HABP4: variants seen among roughly 807,000 people sequenced by gnomAD.
HABP4 encodes hyaluronan binding protein 4, also known as intracellular hyaluronan-binding protein 4.
HABP4 carries 32 observed loss-of-function variants against 44.1 expected under a neutral mutation model. The ratio of observed to expected loss-of-function variants is 0.73; its 90% CI spans 0.55 to 0.97. HABP4 has a LOEUF of 0.97. Among genes scored for constraint, HABP4 ranks in the 50% least tolerant of loss-of-function variants. HABP4 has a pLI of 0.00. For missense variants in HABP4, 503 were observed against 561.9 expected (o/e 0.90, Z 1.06); for synonymous variants, 216 against 218.0 (o/e 0.99, Z 0.08).
chr9:96,465,801 C>G (rs777517351), intron 4 of HABP4, 23 bp downstream of exon 4: 1 of 1,263,562 alleles, frequency 7.9e-7, no homozygotes, highest in South Asian at 1.2e-5. Context: ...TGTGTGCCCT[C>G]TGAGAACCTG....
At chr9:96,475,962 C>G (rs1018628210) in intron 5 of HABP4, among the ~76,000 whole-genome samples, 26 of 152,040 alleles carry the variant, frequency 1.7e-4, no homozygotes, top group African/African-American at 6.0e-4. Flanking sequence ...TTTCTGGAAC[C>G]TACTTTCTTT....
In HABP4 at chr9:96,458,425, C is replaced by T. The variant is rs1200090058; in HGVS notation, c.396C>T (p.Asp132=). Residue 132 remains aspartate (D), a synonymous_variant, in exon 2 of 8, where the codon GAC becomes GAT. Transcript: ENST00000375249. ...GAGGGGAGCAGCAAGGATGGAATGA[C>T]AGCCGTGGGCCGGAGGGGATGCTCG... The part of the protein sequence containing the change: ...PRRGEQQGWN[D]SRGPEGMLER... The T allele has an allele frequency of 1.2e-6, 2 of 1,613,824 alleles. No individual in the cohort carries two copies. The highest frequency in any genetic ancestry group is 3.3e-5 in the Admixed American group (2 of 59,994).
At chr9:96,470,381 T>G (rs1832673445) in intron 4 of HABP4, among the ~76,000 whole-genome samples, 1 of 152,084 alleles carries the variant, frequency 6.6e-6, no homozygotes, top group South Asian at 2.1e-4. Flanking sequence ...TCCACCCTCC[T>G]TGGCCTCCCA....
chr9:96,476,619 G>C (rs944209485), intron 5 of HABP4, among the ~76,000 whole-genome samples: 1 of 152,164 alleles, frequency 6.6e-6, no homozygotes, highest in African/African-American at 2.4e-5. Flanking sequence ...AAATATACTT[G>C]CATGAGTCCT....
At position 96,491,056 on chromosome 9, in the gene HABP4, C is replaced by T. The variant is rs1833086322; in HGVS notation, c.*1018C>T. 1.3e-5 allele frequency: 2 copies of T among 152,434 alleles called. No homozygotes were observed. Among genetic ancestry groups the T allele is most frequent in the Middle Eastern group, 3.4e-3 (1 of 296 alleles). 9.4% of individuals were successfully genotyped at this position (152,434 alleles called of 1,614,324 possible). A position where few individuals can be genotyped will look rare whatever the true frequency, so the allele number is the denominator to read the frequency against. ...CTGAACAGAGCTGGACCCAGAGCCA[C>T]ACACGCCCGGGAACACACACTGTGC... On this transcript the variant is annotated 3_prime_UTR_variant, in exon 8 of 8. Coordinates refer to ENST00000375249, the MANE Select transcript of HABP4 (RefSeq NM_014282.4).
chr9:96,455,972 T>G (rs1409717334), intron 1 of HABP4, among the ~76,000 whole-genome samples: 1 of 152,066 alleles, frequency 6.6e-6, no homozygotes, highest in Non-Finnish European at 1.5e-5. Context: ...GGAGAAATGC[T>G]TTAACCTGGG....
intron 2 of HABP4, among the ~76,000 whole-genome samples, chr9:96,463,097 A>G (rs1423947885): frequency 6.6e-6 from 1 of 151,388 alleles, no homozygotes; most frequent in East Asian, 1.9e-4. Context: ...GGCATGCACC[A>G]CTATGCCTGG....
At chr9:96,463,416 G>A (rs565151257) in intron 2 of HABP4, among the ~76,000 whole-genome samples, 119 of 152,118 alleles carry the variant, frequency 7.8e-4, no homozygotes, top group African/African-American at 2.8e-3. Context: ...CACAACGGCC[G>A]GCTAATTTTT....
chr9:96,474,843 C>T (rs1039003968), intron 5 of HABP4, among the ~76,000 whole-genome samples: 16 of 152,140 alleles, frequency 1.1e-4, no homozygotes, highest in Admixed American at 1.0e-3. Context: ...GTGTACCTCT[C>T]AGTTCTAGAA....
At chr9:96,456,776 AAAAAATATATATAT>A (rs1832392851) in intron 1 of HABP4, among the ~76,000 whole-genome samples, 1 of 64,480 alleles carries the variant, frequency 1.6e-5, no homozygotes, top group South Asian at 5.9e-4. Context: ...AAAAAAAAAA[AAAAAATATATATAT>A]ATATATATAT....
chr9:96,464,376 CA>C (rs972083644), intron 2 of HABP4, among the ~76,000 whole-genome samples: 3 of 151,858 alleles, frequency 2.0e-5, no homozygotes, highest in Non-Finnish European at 4.4e-5. Flanking sequence ...GGCTCTGCCT[CA>C]AAAAAAGAAA....
Position 96,471,092 on chromosome 9 carries a change from C to A in HABP4, c.825C>A (p.Ala275=), listed in dbSNP as rs1211961886. 4.0e-6 allele frequency: 6 copies of A among 1,514,270 alleles called. No individual in the cohort carries two copies. In the East Asian group the frequency reaches 1.1e-4, roughly 28 times the overall value. 93.8% of individuals were successfully genotyped at this position (1,514,270 alleles called of 1,614,324 possible). A position where few individuals can be genotyped will look rare whatever the true frequency, so the allele number is the denominator to read the frequency against. The stretch of plus-strand genomic sequence containing the variant: ...GCACCCCGGAAGAGGAGTCTCCAGC[C>A]AAGTAGGGCATTTTGTTCATTCCCC... The part of the protein sequence containing the change: ...SQGTPEEESP[A]KVPELEVEEE... The change falls in exon 5 of 8, where the codon GCC becomes GCA. Residue 275 remains alanine (A), a splice_region_variant and synonymous_variant. Transcript: ENST00000375249.
intron 1 of HABP4, among the ~76,000 whole-genome samples, chr9:96,452,214 G>C (rs972336875): frequency 7.4e-6 from 1 of 136,012 alleles, no homozygotes; most frequent in Non-Finnish European, 1.5e-5. Context: ...GAGAAAGAGC[G>C]AGACTCCGTC....
At chr9:96,463,756 T>A (rs1397633597) in intron 2 of HABP4, among the ~76,000 whole-genome samples, 1 of 152,174 alleles carries the variant, frequency 6.6e-6, no homozygotes, top group Non-Finnish European at 1.5e-5. Context: ...TAAGGAAGAT[T>A]GCGAGTTTTG....
chr9:96,482,045 C>G (rs1010591283), intron 5 of HABP4, among the ~76,000 whole-genome samples: 5 of 151,930 alleles, frequency 3.3e-5, no homozygotes, highest in Admixed American at 2.6e-4. Context: ...AAGCGATTCT[C>G]CTGCCTCAGC....
At chr9:96,483,572 G>A (rs1218394570) in intron 5 of HABP4, 2 of 152,076 alleles carry the variant, frequency 1.3e-5, no homozygotes, top group Admixed American at 1.3e-4. Context: ...AATTCTTTAT[G>A]TATTCTAGAT....
intron 5 of HABP4, among the ~76,000 whole-genome samples, chr9:96,475,851 G>T (rs573220995): frequency 1.3e-5 from 2 of 152,262 alleles, no homozygotes; most frequent in African/African-American, 4.8e-5. Context: ...TATTTTTATT[G>T]TAATCGGTTT....
intron 5 of HABP4, among the ~76,000 whole-genome samples, chr9:96,477,729 G>C (rs1228191208): frequency 2.6e-5 from 4 of 152,000 alleles, no homozygotes; most frequent in Non-Finnish European, 4.4e-5. Context: ...CCAATAAATG[G>C]CACATATTTA....
At chr9:96,474,657 A>G (rs1832751489) in intron 5 of HABP4, among the ~76,000 whole-genome samples, 1 of 152,160 alleles carries the variant, frequency 6.6e-6, no homozygotes, top group South Asian at 2.1e-4. Context: ...TGCCTTGTCA[A>G]ATTTTAACAT....
Sources: allele counts gnomAD v4.1 joint callset (sites outside exome capture counted in the v4.1 genomes callset), GRCh38; gene constraint gnomAD v4.1.1; transcripts MANE v1.5; gene names NCBI Gene and HGNC (gene_info 2026-07-23, HGNC 2026-07-21).